The following GPM6A variants were observed in gnomAD, a reference collection of about 807,000 sequenced individuals.
The protein encoded by GPM6A is neuronal membrane glycoprotein M6-a.
GPM6A carries 7 observed loss-of-function variants against 32.1 expected under a neutral mutation model. The observed-to-expected ratio is 0.22, with a 90% confidence interval of 0.12 to 0.41. GPM6A has a LOEUF of 0.41. Among genes scored for constraint, GPM6A ranks in the 10% least tolerant of loss-of-function variants. GPM6A has a pLI of 1.00. For missense variants in GPM6A, 235 were observed against 347.2 expected, an observed-to-expected ratio of 0.68 and a Z score of 2.57; for synonymous variants, 130 against 123.4, an observed-to-expected ratio of 1.05 and a Z score of -0.35.
At chr4:175,721,252 G>T (rs1451535822) in intron 1 of GPM6A, among the ~76,000 whole-genome samples, 3 of 150,774 alleles carry the variant, frequency 2.0e-5, no homozygotes, top group African/African-American at 7.3e-5. Context: ...AAAGTGGGCG[G>T]ATCATCTGAG....
chr4:175,963,014 A>T (rs1167756180), intron 1 of GPM6A, among the ~76,000 whole-genome samples: 1 of 152,142 alleles, frequency 6.6e-6, no homozygotes, highest in Non-Finnish European at 1.5e-5. Context: ...AAAAACAGTG[A>T]CAGAAATGAA....
At chr4:175,980,916 T>C (rs1268674526) in intron 1 of GPM6A, among the ~76,000 whole-genome samples, 1 of 152,222 alleles carries the variant, frequency 6.6e-6, no homozygotes, top group Non-Finnish European at 1.5e-5. Context: ...ATCTCATGCA[T>C]AATCGTTGGC....
chr4:175,934,470 T>C (rs542644771), intron 1 of GPM6A, among the ~76,000 whole-genome samples: 49 of 152,258 alleles, frequency 3.2e-4, no homozygotes, highest in African/African-American at 1.2e-3. Flanking sequence ...CACTCTAAAA[T>C]ATAACCCAAA....
At position 175,701,647 on chromosome 4, in the gene GPM6A, C is replaced by G. The variant is rs773799350; in HGVS notation, c.158G>C (p.Gly53Ala). 6.2e-7 allele frequency: 1 copy of G among 1,613,990 alleles called. No individual in the cohort carries two copies. The highest frequency in any genetic ancestry group is 8.5e-7 in the Non-Finnish European group (1 of 1,179,928). The part of the protein sequence containing the change: ...FCGCGHEALS[G>A]TVNILQTYFE... ...GTAGGTTTGCAGAATGTTGACAGTT[C>G]CAGAAAGCGCTTCATGACCGCAGCC... The change falls in exon 2 of 7, where the codon GGA (glycine) becomes GCA (alanine). Residue 53 changes from glycine to alanine, a missense_variant. By Grantham distance (60) the Gly-to-Ala change is moderately conservative. Around this residue, in one of 3 missense-constraint regions of GPM6A, gnomAD observed 101 missense variants for 171.2 expected, o/e 0.59. Coordinates refer to ENST00000393658, the MANE Select transcript of GPM6A (RefSeq NM_201591.3).
At chr4:175,796,511 C>A (rs995293073) in intron 1 of GPM6A, among the ~76,000 whole-genome samples, 1 of 152,112 alleles carries the variant, frequency 6.6e-6, no homozygotes, top group Non-Finnish European at 1.5e-5. Context: ...AAAAACACAA[C>A]CAGTATATAG....
At chr4:176,002,204 G>C (rs1472233692) in intron 1 of GPM6A, 7 of 1,238,346 alleles carry the variant, frequency 5.7e-6, no homozygotes, top group Non-Finnish European at 7.0e-6. Context: ...AACAGAGCTG[G>C]GAAGGACGCA....
intron 1 of GPM6A, among the ~76,000 whole-genome samples, chr4:175,993,305 A>T (rs570600413): frequency 3.9e-5 from 6 of 152,112 alleles, no homozygotes; most frequent in Non-Finnish European, 8.8e-5. Flanking sequence ...CTTAAAACAA[A>T]ATATATTGTA....
At chr4:175,780,534 T>A (rs532896648) in intron 1 of GPM6A, among the ~76,000 whole-genome samples, 49 of 152,342 alleles carry the variant, frequency 3.2e-4, no homozygotes, top group Admixed American at 1.6e-3. Context: ...TGGAGAGACT[T>A]AAATAGCATA....
At chr4:175,779,138 T>C (rs1733513585) in intron 1 of GPM6A, among the ~76,000 whole-genome samples, 1 of 152,156 alleles carries the variant, frequency 6.6e-6, no homozygotes, top group Non-Finnish European at 1.5e-5. Context: ...CATGCTTTCT[T>C]TATTCTGCCT....
At chr4:175,692,980 G>A (rs575963257) in intron 2 of GPM6A, among the ~76,000 whole-genome samples, 31 of 151,756 alleles carry the variant, frequency 2.0e-4, no homozygotes, top group Middle Eastern at 3.4e-3. Context: ...ATTAATTACC[G>A]CAGCTTCTCA....
intron 1 of GPM6A, among the ~76,000 whole-genome samples, chr4:175,756,642 C>T (rs1006473730): frequency 5.9e-5 from 9 of 152,050 alleles, no homozygotes; most frequent in African/African-American, 2.2e-4. Flanking sequence ...GCAGACATAT[C>T]TAATGGGCAG....
chr4:175,759,167 T>C (rs1349921413), intron 1 of GPM6A, among the ~76,000 whole-genome samples: 1 of 152,104 alleles, frequency 6.6e-6, no homozygotes, highest in Non-Finnish European at 1.5e-5. Flanking sequence ...ACTGTTAGTG[T>C]CTGAATACAG....
At chr4:175,671,831 A>C (rs2110978696) in intron 3 of GPM6A, among the ~76,000 whole-genome samples, 1 of 152,222 alleles carries the variant, frequency 6.6e-6, no homozygotes, top group South Asian at 2.1e-4. Context: ...TGCTCTGCTC[A>C]TTCCGGGGTG....
At chr4:175,675,493 T>C (rs1047546582) in intron 2 of GPM6A, among the ~76,000 whole-genome samples, 2 of 152,150 alleles carry the variant, frequency 1.3e-5, no homozygotes, top group South Asian at 2.1e-4. Context: ...TAAGTACTTG[T>C]TGATGTTAAA....
intron 1 of GPM6A, among the ~76,000 whole-genome samples, chr4:175,898,691 A>C (rs375757737): frequency 1.6e-4 from 25 of 152,282 alleles, no homozygotes; most frequent in African/African-American, 6.0e-4. Flanking sequence ...GCCCTCAAAA[A>C]ATATGTGCTA....
At chr4:175,650,310 ATTTATTT>A (rs914349914) in intron 4 of GPM6A, among the ~76,000 whole-genome samples, 2 of 58,188 alleles carry the variant, frequency 3.4e-5, no homozygotes, top group African/African-American at 9.2e-5. Context: ...TTATTTATTT[ATTTATTT>A]ATTTTGAGAT....
chr4:175,952,474 T>G (rs1191194257), intron 1 of GPM6A, among the ~76,000 whole-genome samples: 1 of 152,152 alleles, frequency 6.6e-6, no homozygotes, highest in African/African-American at 2.4e-5. Flanking sequence ...AGTTGCCCAT[T>G]GTAACAAGGA....
chr4:175,986,457 G>T (rs934255691), intron 1 of GPM6A, among the ~76,000 whole-genome samples: 1 of 151,996 alleles, frequency 6.6e-6, no homozygotes, highest in African/African-American at 2.4e-5. Context: ...GATTGCTTGA[G>T]CCCAGAAGAG....
intron 3 of GPM6A, among the ~76,000 whole-genome samples, chr4:175,672,378 C>T (rs1485565047): frequency 6.6e-6 from 1 of 152,140 alleles, no homozygotes; most frequent in East Asian, 1.9e-4. Context: ...CAAGGCACAC[C>T]AGTGGCATTA....
Sources: allele counts gnomAD v4.1 joint callset (sites outside exome capture counted in the v4.1 genomes callset), GRCh38; gene constraint gnomAD v4.1.1; regional missense constraint gnomAD v4.1.1; transcripts MANE v1.5; gene names NCBI Gene and HGNC (gene_info 2026-07-23, HGNC 2026-07-21).